The following CLSTN1 variants were observed in gnomAD, a reference collection of about 807,000 sequenced individuals.
The protein encoded by CLSTN1 is calsyntenin 1, also known as calsyntenin-1.
Under a neutral mutation model 108.3 loss-of-function variants are expected in CLSTN1, and 28 were observed. The observed-to-expected ratio is 0.26, with a 90% confidence interval of 0.19 to 0.35. The LOEUF is 0.35. Ranked by LOEUF, CLSTN1 falls within the 10% of genes least tolerant of loss-of-function variation. CLSTN1 has a pLI of 1.00. For synonymous variants in CLSTN1, 524 were observed against 534.9 expected, an observed-to-expected ratio of 0.98 and a Z score of 0.28; for missense variants, 1,157 against 1,302.6, an observed-to-expected ratio of 0.89 and a Z score of 1.72.
intron 1 of CLSTN1, among the ~76,000 whole-genome samples, chr1:9,796,954 A>C (rs964127443): frequency 6.6e-6 from 1 of 152,182 alleles, no homozygotes. Flanking sequence ...AATGCAACAG[A>C]GATAAATGCA....
In CLSTN1 at chr1:9,811,173, G is replaced by C. The variant is rs75203418; in HGVS notation, c.91+12470C>G. Among the ~76,000 whole-genome samples the C allele has an allele frequency of 7.3e-3, 1,114 of 152,302 alleles. 13 individuals are homozygous for C. Among genetic ancestry groups the C allele is most frequent in the African/African-American group, 0.025 (1,043 of 41,574 alleles). On this transcript the variant is annotated intron_variant, in intron 1 of 18. Coordinates refer to ENST00000377298, the MANE Select transcript of CLSTN1 (RefSeq NM_001009566.3). ...CATTCAAACAAACAGTAATGTCGTAGTTGTTATTAAAGTCAGCAGAAGGGA... is the reference window on the plus strand; with the variant it reads ...CATTCAAACAAACAGTAATGTCGTACTTGTTATTAAAGTCAGCAGAAGGGA...
intron 4 of CLSTN1, among the ~76,000 whole-genome samples, chr1:9,752,596 T>G (rs1651605598): frequency 6.6e-6 from 1 of 152,096 alleles, no homozygotes; most frequent in Non-Finnish European, 1.5e-5. Context: ...CCGGGTGTGG[T>G]GGCTCACACC....
At chr1:9,735,367 G>T in intron 13 of CLSTN1, 100 bp downstream of exon 13, 1 of 1,517,812 alleles carries the variant, frequency 6.6e-7, no homozygotes, top group South Asian at 1.2e-5. Flanking sequence ...TACACACGAT[G>T]GCTCACCTTT....
At chr1:9,786,071 C>G (rs1653470787) in intron 1 of CLSTN1, among the ~76,000 whole-genome samples, 1 of 152,032 alleles carries the variant, frequency 6.6e-6, no homozygotes, top group Admixed American at 6.6e-5. Context: ...CTTGGGACCT[C>G]CCAGCTACTC....
chr1:9,764,734 G>A (rs1040293377), intron 2 of CLSTN1, among the ~76,000 whole-genome samples: 1 of 149,926 alleles, frequency 6.7e-6, no homozygotes, highest in Non-Finnish European at 1.5e-5. Flanking sequence ...CCACACCATC[G>A]TTGCCTCTGT....
intron 2 of CLSTN1, among the ~76,000 whole-genome samples, chr1:9,768,070 T>C (rs1191075531): frequency 1.3e-5 from 2 of 152,152 alleles, no homozygotes; most frequent in Non-Finnish European, 2.9e-5. Flanking sequence ...GTAAGTAATT[T>C]GCCTAAGGCC....
chr1:9,750,419 A>C (rs1466905340), intron 5 of CLSTN1, among the ~76,000 whole-genome samples: 4 of 152,110 alleles, frequency 2.6e-5, no homozygotes, highest in African/African-American at 9.7e-5. Flanking sequence ...ATTGATTAAC[A>C]ATGGAAACAC....
At chr1:9,774,602 G>A (rs1652847671) in intron 1 of CLSTN1, among the ~76,000 whole-genome samples, 1 of 151,850 alleles carries the variant, frequency 6.6e-6, no homozygotes, top group Non-Finnish European at 1.5e-5. Flanking sequence ...AGTTAGGCTT[G>A]GGGTCCAATT....
Position 9,730,193 on chromosome 1 carries a change from G to A in CLSTN1, c.*315C>T, listed in dbSNP as rs982971412. On this transcript the variant is annotated 3_prime_UTR_variant, in exon 19 of 19. Coordinates refer to ENST00000377298, the MANE Select transcript of CLSTN1 (RefSeq NM_001009566.3). This position sits in a 1 kb window ranked among gnomAD's most constrained non-coding sequence, Gnocchi z 5.6. The stretch of plus-strand genomic sequence containing the variant: ...CTGGCATGGCTTTTCTGGAGTGCGA[G>A]GGGCCAGTGTCCTCTCCCCGGGGGG... 1 of 420,878 alleles carries A rather than the reference G, an allele frequency of 2.4e-6. No individual in the cohort carries two copies. The highest frequency in any genetic ancestry group is 2.0e-5 in the African/African-American group (1 of 51,106). The allele number at this position is 420,878 out of a possible 1,614,324, so 26.1% of individuals were successfully genotyped here.
At chr1:9,780,310 C>T (rs1653182976) in intron 1 of CLSTN1, among the ~76,000 whole-genome samples, 1 of 152,176 alleles carries the variant, frequency 6.6e-6, no homozygotes, top group Admixed American at 6.5e-5. Context: ...TATTTGAGTC[C>T]ATAAAACTCC....
At chr1:9,773,476 C>G in intron 1 of CLSTN1, 82 bp from the exon 2 acceptor site, 1 of 1,384,612 alleles carries the variant, frequency 7.2e-7, no homozygotes, top group Non-Finnish European at 9.7e-7. Flanking sequence ...CACACACCTG[C>G]TATTAAAATA....
intron 1 of CLSTN1, among the ~76,000 whole-genome samples, chr1:9,809,472 G>A (rs1212802145): frequency 6.6e-6 from 1 of 152,074 alleles, no homozygotes; most frequent in African/African-American, 2.4e-5. Flanking sequence ...ACTCATGCTT[G>A]CATTCACTTC....
At chr1:9,814,284 TG>T (rs1654886429) in intron 1 of CLSTN1, among the ~76,000 whole-genome samples, 1 of 148,660 alleles carries the variant, frequency 6.7e-6, no homozygotes, top group Non-Finnish European at 1.5e-5. Context: ...TGGTGGTGTG[TG>T]TCTGTAGTTC....
intron 1 of CLSTN1, chr1:9,780,897 G>T: frequency 2.9e-6 from 1 of 341,844 alleles, no homozygotes; most frequent in South Asian, 5.3e-5. Context: ...GGGAGACCAT[G>T]GACAGGATGC....
chr1:9,772,461 G>C (rs1652739000), intron 2 of CLSTN1, among the ~76,000 whole-genome samples: 1 of 152,018 alleles, frequency 6.6e-6, no homozygotes, highest in Non-Finnish European at 1.5e-5. Context: ...GCATGTCACT[G>C]TGCCCAGCCG....
chr1:9,764,106 A>AAGAGAGAGAGAGAGAGAG (rs772208381), intron 2 of CLSTN1, among the ~76,000 whole-genome samples: 1 of 120,778 alleles, frequency 8.3e-6, no homozygotes, highest in African/African-American at 3.6e-5. Flanking sequence ...GGGAGAAAGA[A>AAGAGAGAGAGAGAGAGAG]AGAGAGAGAG....
chr1:9,769,604 G>A (rs1285193386), intron 2 of CLSTN1, among the ~76,000 whole-genome samples: 2 of 152,204 alleles, frequency 1.3e-5, no homozygotes, highest in Non-Finnish European at 2.9e-5. Context: ...GCCAGGGCTT[G>A]GGAGTGAAGG....
At position 9,787,715 on chromosome 1, in the gene CLSTN1, C is replaced by G. The variant is rs115132682; in HGVS notation, c.92-14321G>C. 7.9e-3 allele frequency among the ~76,000 whole-genome samples: 1,189 copies of G among 151,412 alleles called. 22 individuals carry two copies. The highest frequency in any genetic ancestry group is 0.028 in the African/African-American group (1,147 of 41,498). ...TCTAATTTTTCCTCCAAATTCCAAA[C>G]AAGTTTTTTTAATGTGGGAAAATAC... On this transcript the variant is annotated intron_variant, in intron 1 of 18. Transcript: ENST00000377298.
chr1:9,821,766 T>C (rs1655199260), intron 1 of CLSTN1, among the ~76,000 whole-genome samples: 1 of 152,166 alleles, frequency 6.6e-6, no homozygotes, highest in South Asian at 2.1e-4. Flanking sequence ...TTCCAAGACA[T>C]TTTCTAACTT....
Sources: gnomAD v4.1 joint callset for allele counts (sites outside exome capture counted in the v4.1 genomes callset) on GRCh38, gnomAD v4.1.1 for gene constraint, Gnocchi (gnomAD v3.1) non-coding constraint, MANE v1.5 for transcripts, NCBI Gene and HGNC (gene_info 2026-07-23, HGNC 2026-07-21) for gene names.